The following TNXB variants were observed in gnomAD, a reference collection of about 807,000 sequenced individuals.
TNXB encodes tenascin-X.
TNXB carries 183 observed loss-of-function variants against 340.5 expected under a neutral mutation model. The observed-to-expected ratio is 0.54, with a 90% CI of 0.48 to 0.61. The LOEUF is 0.61. Ranked by LOEUF, TNXB falls within the 20% of genes least tolerant of loss-of-function variation. The pLI, the probability that TNXB is intolerant of heterozygous loss-of-function variation, is 0.00. For missense variants in TNXB, 4,613 were observed against 5,446.4 expected, an observed-to-expected ratio of 0.85 and a Z score of 4.82; for synonymous variants, 2,121 against 2,314.5, an observed-to-expected ratio of 0.92 and a Z score of 2.40.
At chr6:32,092,227 A>G (rs1780107152) in intron 4 of TNXB, among the ~76,000 whole-genome samples, 1 of 152,134 alleles carries the variant, frequency 6.6e-6, no homozygotes, top group African/African-American at 2.4e-5. Flanking sequence ...GAGTCTGACA[A>G]TTTGCATGCC....
chr6:32,050,264 G>T lies in TNXB; in HGVS notation c.9173C>A (p.Pro3058His), dbSNP rs374699358. 2.5e-6 allele frequency: 4 copies of T among 1,613,506 alleles called. No individual in the cohort carries two copies. The highest frequency in any genetic ancestry group is 4.5e-5 in the East Asian group (2 of 44,878). The change falls in exon 27 of 44, where the codon CCC becomes CAC. Residue 3058 changes from proline (P) to histidine (H), a missense_variant. This residue lies in a region of TNXB where 4,327 missense variants were observed against 4,859.4 expected (regional missense o/e 0.89). Coordinates refer to ENST00000644971, the MANE Select transcript of TNXB (RefSeq NM_001365276.2). Reference protein sequence around the residue: ...QAVPTMTPEPPIKPRLGELTV... With the variant: ...QAVPTMTPEPHIKPRLGELTV... The stretch of plus-strand genomic sequence containing the variant: ...CAGCTCCCCCAGGCGAGGCTTGATG[G>T]GGGGCTCAGGGGTCATGGTAGGCAC...
intron 6 of TNXB, 124 bp downstream of exon 6, chr6:32,088,661 C>G: frequency 7.2e-7 from 1 of 1,387,006 alleles, no homozygotes; most frequent in Non-Finnish European, 9.7e-7. Context: ...GCAGGTGCCT[C>G]GAGACTGCCA....
intron 11 of TNXB, among the ~76,000 whole-genome samples, chr6:32,076,873 T>C (rs892209670): frequency 4.6e-5 from 7 of 151,876 alleles, no homozygotes; most frequent in African/African-American, 7.3e-5. Flanking sequence ...TCCCAGCTAC[T>C]TGGGGGGCTG....
rs1277167371 is a variant in TNXB at position 32,096,891 on chromosome 6, C to T, written c.962G>A (p.Cys321Tyr). 2 of 1,609,234 alleles carry T rather than the reference C, an allele frequency of 1.2e-6. No individual in the cohort carries two copies. Among genetic ancestry groups the T allele is most frequent in the African/African-American group, 2.7e-5 (2 of 74,782 alleles). The change falls in exon 3 of 44, where the codon TGC becomes TAC. Residue 321 changes from cysteine (C) to tyrosine (Y), a missense_variant. Transcript: ENST00000644971. ...GTCACACACGCAGCGCCCGTCCTTG[C>T]AGCGTCCCCGCTGGCTGCAGCCCCG... ...CPRGCSQRGR[C>Y]KDGRCVCDPG...
rs1366264744 is a variant in TNXB at position 32,067,074 on chromosome 6, TAAAAAGAAAGAAA to T, written c.6544+574_6544+586del. Among the ~76,000 whole-genome samples, 174 of 84,092 alleles carry T rather than the reference TAAAAAGAAAGAAA, an allele frequency of 2.1e-3. 6 individuals carry two copies. In the South Asian group the frequency reaches 0.035, roughly 17 times the overall value. 55.2% of individuals were successfully genotyped at this position (84,092 alleles called of 152,430 possible). A position where few individuals can be genotyped will look rare whatever the true frequency, so the allele number is the denominator to read the frequency against. ...CCAGGCGACAGAGTGAGACCTTGTC[TAAAAAGAAAGAAA>T]GAAAAGAATGAAAGAAAGAAAGAAA... is the stretch of plus-strand genomic sequence containing the variant. On this transcript the variant is annotated intron_variant, in intron 18 of 43. Coordinates refer to ENST00000644971, the MANE Select transcript of TNXB (RefSeq NM_001365276.2). The surrounding 1 kb of genome is among the most constrained non-coding windows in gnomAD (Gnocchi z 4.2).
chr6:32,086,091 G>C lies in TNXB; in HGVS notation c.2807C>G (p.Thr936Ser). ...GCCTGAGGGAGGAGGCTCATCGGTA[G>C]TCCCCAAGAGGCCCAAGGGTGAGGA... is the stretch of plus-strand genomic sequence containing the variant. Reference protein sequence around the residue: ...TGSSPLGLLGTTDEPPPSGPS... With the variant: ...TGSSPLGLLGSTDEPPPSGPS... Residue 936 changes from threonine (T) to serine (S), a missense_variant, in exon 7 of 44, where the codon ACT becomes AGT. This residue lies in a region of TNXB where 4,327 missense variants were observed against 4,859.4 expected (regional missense o/e 0.89). Transcript: ENST00000644971. 1 of 1,557,234 alleles carries C rather than the reference G, an allele frequency of 6.4e-7. No homozygotes were observed. The highest frequency in any genetic ancestry group is 1.9e-5 in the Admixed American group (1 of 52,600).
chr6:32,057,865 T>C (rs1715509668), intron 22 of TNXB, among the ~76,000 whole-genome samples, 193 bp downstream of exon 22: 1 of 152,176 alleles, frequency 6.6e-6, no homozygotes, highest in African/African-American at 2.4e-5. Context: ...TGGGCCTCCC[T>C]ATCACATGCT....
At position 32,069,923 on chromosome 6, in the gene TNXB, C is replaced by A; in HGVS notation, c.5279-62G>T. ...TTTCTGGAAGACTGGGTGACCTCGACGGGCAGGATTGAGAGGTCTGGAGAC... is the reference window on the plus strand; with the variant it reads ...TTTCTGGAAGACTGGGTGACCTCGAAGGGCAGGATTGAGAGGTCTGGAGAC... On this transcript the variant is annotated intron_variant, in intron 14 of 43. Coordinates refer to ENST00000644971, the MANE Select transcript of TNXB (RefSeq NM_001365276.2). This position sits in a 1 kb window ranked among gnomAD's most constrained non-coding sequence, Gnocchi z 6.2. 1 of 1,488,884 alleles carries A rather than the reference C, an allele frequency of 6.7e-7. No homozygotes were observed. The allele number at this position is 1,488,884 out of a possible 1,614,324, so 92.2% of individuals were successfully genotyped here.
In TNXB at chr6:32,096,944, G is replaced by A. The variant is rs111244635; in HGVS notation, c.909C>T (p.Gly303=). 13 of 1,593,578 alleles carry A rather than the reference G, an allele frequency of 8.2e-6. 1 individual carries two copies. Among genetic ancestry groups the A allele is most frequent in the African/African-American group, 2.7e-5 (2 of 74,342 alleles). Residue 303 remains glycine (G), a synonymous_variant, in exon 3 of 44, where the codon GGC becomes GGT. Coordinates refer to ENST00000644971, the MANE Select transcript of TNXB (RefSeq NM_001365276.2). ...GGCAGCTCCTCACCCCACAGTCCTC[G>A]CCAGTGTAGCCGGGGTTACACACGC... ...GRCVCNPGYT[G]EDCGVRSCPR...
chr6:32,094,843 T>C (rs1393372472), intron 4 of TNXB, among the ~76,000 whole-genome samples: 1 of 152,174 alleles, frequency 6.6e-6, no homozygotes, highest in Non-Finnish European at 1.5e-5. Context: ...CCTCAGGAAG[T>C]ACTGAGCTCT....
chr6:32,046,395 G>C lies in TNXB; in HGVS notation c.10386C>G (p.Ser3462=). 1 of 1,587,900 alleles carries C rather than the reference G, an allele frequency of 6.3e-7. No homozygotes were observed. Among genetic ancestry groups the C allele is most frequent in the Non-Finnish European group, 8.6e-7 (1 of 1,163,008 alleles). ...CCGTCCAGGACAGGCGCAGAGAGCT[G>C]GAGGTCTCCTCAGCCACGGTCAGTT... ...LGELTVAEET[S]SSLRLSWTVA... Residue 3462 remains serine (S), a synonymous_variant, in exon 31 of 44, where the codon TCC becomes TCG. Coordinates refer to ENST00000644971, the MANE Select transcript of TNXB (RefSeq NM_001365276.2). This position sits in a 1 kb window ranked among gnomAD's most constrained non-coding sequence, Gnocchi z 6.9.
chr6:32,054,683 G>A (rs1777525838), intron 24 of TNXB, among the ~76,000 whole-genome samples: 1 of 152,124 alleles, frequency 6.6e-6, no homozygotes, highest in African/African-American at 2.4e-5. Context: ...ATCCTTCTTT[G>A]CTTACTTTCC....
rs543265032 is a variant in TNXB at position 32,052,700 on chromosome 6, C to T, written c.9085G>A (p.Val3029Met). 30 of 1,613,632 alleles carry T rather than the reference C, an allele frequency of 1.9e-5. No individual in the cohort carries two copies. The South Asian group carries it at 1.9e-4, about 10-fold the overall frequency. Reference protein sequence around the residue: ...HLYGLHEGQRVGPVSAVGVTA... With the variant: ...HLYGLHEGQRMGPVSAVGVTA... ...ACACCCACAGCGGACACTGGGCCCA[C>T]GCGCTGCCCCTCGTGGAGGCCGTAC... The change falls in exon 26 of 44, where the codon GTG (valine) becomes ATG (methionine). Residue 3029 changes from valine (V) to methionine (M), a missense_variant. By Grantham distance (21) the Val-to-Met change is conservative. This residue lies in a region of TNXB where 4,327 missense variants were observed against 4,859.4 expected (regional missense o/e 0.89). Transcript: ENST00000644971. This position sits in a 1 kb window ranked among gnomAD's most constrained non-coding sequence, Gnocchi z 4.7.
At position 32,075,813 on chromosome 6, in the gene TNXB, A is replaced by G. The variant is rs1779051628; in HGVS notation, c.4376-1861T>C. Among the ~76,000 whole-genome samples, 1 of 152,208 alleles carries G rather than the reference A, an allele frequency of 6.6e-6. No homozygotes were observed. The highest frequency in any genetic ancestry group is 1.5e-5 in the Non-Finnish European group (1 of 68,034). ...TGAGGAAGCACTCATTAGTGAGCAA[A>G]CTAGAAGGTGGTCCCAAGAGGCAAA... On this transcript the variant is annotated intron_variant, in intron 11 of 43. Coordinates refer to ENST00000644971, the MANE Select transcript of TNXB (RefSeq NM_001365276.2). This position sits in a 1 kb window ranked among gnomAD's most constrained non-coding sequence, Gnocchi z 4.6.
intron 24 of TNXB, among the ~76,000 whole-genome samples, chr6:32,054,208 T>A (rs1777490951): frequency 6.6e-6 from 1 of 152,032 alleles, no homozygotes. Flanking sequence ...CAATCCTAGT[T>A]TGAGCCACTG....
At chr6:32,094,982 A>T in intron 4 of TNXB, 94 bp downstream of exon 4, 1 of 1,065,442 alleles carries the variant, frequency 9.4e-7, no homozygotes, top group Non-Finnish European at 1.4e-6. Context: ...ATCTGGACTC[A>T]ACCAATGATC....
intron 22 of TNXB, 25 bp from the exon 23 acceptor site, chr6:32,056,928 G>T: frequency 6.2e-7 from 1 of 1,604,864 alleles, no homozygotes; most frequent in Non-Finnish European, 8.5e-7. Flanking sequence ...ACACGTGTGG[G>T]GACAGTGAGG....
chr6:32,065,243 A>G, intron 18 of TNXB, 126 bp from the exon 19 acceptor site: 2 of 851,318 alleles, frequency 2.3e-6, no homozygotes, highest in Non-Finnish European at 3.5e-6. Context: ...TTCTGATTAT[A>G]ATCATAATCA....
rs1779337930 is a variant in TNXB at position 32,079,844 on chromosome 6, T to C, written c.4043-479A>G. Among the ~76,000 whole-genome samples, 2 of 151,452 alleles carry C rather than the reference T, an allele frequency of 1.3e-5. No homozygotes were observed. The highest frequency in any genetic ancestry group is 4.9e-5 in the African/African-American group (2 of 41,182). On this transcript the variant is annotated intron_variant, in intron 10 of 43. Transcript: ENST00000644971. This position sits in a 1 kb window ranked among gnomAD's most constrained non-coding sequence, Gnocchi z 7.1. ...GCTAAGGCAGGGCTCCAGGCATGAG[T>C]GGGAGAAAAATTCTGGGGTGAGTGG...
Sources: allele counts gnomAD v4.1 joint callset (sites outside exome capture counted in the v4.1 genomes callset), GRCh38; gene constraint gnomAD v4.1.1; regional missense constraint gnomAD v4.1.1; non-coding constraint Gnocchi (gnomAD v3.1); transcripts MANE v1.5; gene names NCBI Gene and HGNC (gene_info 2026-07-23, HGNC 2026-07-21).